FAF1: variants seen among roughly 807,000 people sequenced by gnomAD.
FAF1 encodes FAS-associated factor 1.
In FAF1, 25 loss-of-function variants were observed where a neutral mutation model predicts 92.5. The observed-to-expected ratio is 0.27, with a 90% CI of 0.20 to 0.38. FAF1 has a LOEUF of 0.38. FAF1 is among the 10% of genes least tolerant of loss of function. The probability of loss-of-function intolerance (pLI) is 1.00; values close to 1 mark genes in which losing one functional copy is unlikely to be tolerated. For synonymous variants in FAF1, 234 were observed against 273.2 expected (o/e 0.86, Z 1.42); for missense variants, 636 against 793.3 (o/e 0.80, Z 2.38).
At chr1:50,876,182 A>G (rs745350662) in intron 1 of FAF1, among the ~76,000 whole-genome samples, 1 of 152,234 alleles carries the variant, frequency 6.6e-6, no homozygotes, top group Non-Finnish European at 1.5e-5. Context: ...GCTTCTCAAG[A>G]TGAAATGGAG....
chr1:50,953,664 A>G (rs141780344), intron 1 of FAF1, among the ~76,000 whole-genome samples: 10,028 of 151,672 alleles, frequency 0.066, 412 homozygotes, highest in East Asian at 0.094. Flanking sequence ...GCTTGAACCC[A>G]GGAGGCAGAG....
chr1:50,806,761 G>A (rs1662222421), intron 2 of FAF1, among the ~76,000 whole-genome samples: 1 of 152,194 alleles, frequency 6.6e-6, no homozygotes, highest in Admixed American at 6.5e-5. Context: ...TAGGAGGGAT[G>A]AGCTTAGCCC....
chr1:50,623,188 T>A (rs1653292937), intron 8 of FAF1, among the ~76,000 whole-genome samples: 1 of 152,206 alleles, frequency 6.6e-6, no homozygotes. Context: ...TTGAGGACAC[T>A]GCTAGATTAT....
At chr1:50,935,770 C>A (rs1298558850) in intron 1 of FAF1, among the ~76,000 whole-genome samples, 3 of 152,200 alleles carry the variant, frequency 2.0e-5, no homozygotes, top group Non-Finnish European at 2.9e-5. Flanking sequence ...CTACGTCCAG[C>A]CAGATTTATT....
At chr1:50,910,169 G>C (rs1644873285) in intron 1 of FAF1, among the ~76,000 whole-genome samples, 1 of 152,194 alleles carries the variant, frequency 6.6e-6, no homozygotes, top group African/African-American at 2.4e-5. Context: ...GTTTGCCTGG[G>C]TATCAACAGC....
intron 2 of FAF1, among the ~76,000 whole-genome samples, chr1:50,837,482 CA>C (rs1644218897): frequency 6.6e-6 from 1 of 152,062 alleles, no homozygotes; most frequent in East Asian, 1.9e-4. Flanking sequence ...ATATTTTTGG[CA>C]AGAATACTAC....
At chr1:50,958,940 G>T (rs1025521507) in intron 1 of FAF1, among the ~76,000 whole-genome samples, 2 of 152,150 alleles carry the variant, frequency 1.3e-5, no homozygotes, top group Non-Finnish European at 2.9e-5. Flanking sequence ...AGCACTCACA[G>T]GATATTAGTT....
intron 15 of FAF1, among the ~76,000 whole-genome samples, chr1:50,527,743 A>G (rs1647889141): frequency 6.6e-6 from 1 of 151,220 alleles, no homozygotes; most frequent in Non-Finnish European, 1.5e-5. Flanking sequence ...TGACCACCCC[A>G]TTACCATTGT....
intron 1 of FAF1, among the ~76,000 whole-genome samples, chr1:50,877,801 A>G (rs1193542264): frequency 1.3e-5 from 2 of 152,164 alleles, no homozygotes; most frequent in African/African-American, 2.4e-5. Flanking sequence ...AGTTAATTAT[A>G]TAAATTCTTG....
At chr1:50,895,818 A>G (rs1171069267) in intron 1 of FAF1, among the ~76,000 whole-genome samples, 2 of 152,202 alleles carry the variant, frequency 1.3e-5, no homozygotes, top group African/African-American at 4.8e-5. Flanking sequence ...AGATACTGAA[A>G]AAGCATTTGA....
chr1:50,526,753 C>A (rs1055422692), intron 15 of FAF1, among the ~76,000 whole-genome samples: 3 of 152,116 alleles, frequency 2.0e-5, no homozygotes, highest in African/African-American at 7.2e-5. Flanking sequence ...TGAAGAGCTG[C>A]CAGACTGTTT....
intron 1 of FAF1, among the ~76,000 whole-genome samples, chr1:50,942,535 A>G (rs997431048): frequency 6.6e-6 from 1 of 152,136 alleles, no homozygotes; most frequent in Non-Finnish European, 1.5e-5. Flanking sequence ...TATAATTACT[A>G]TCTCTAAGAT....
At chr1:50,763,665 C>CA (rs1164459800) in intron 4 of FAF1, among the ~76,000 whole-genome samples, 3 of 152,158 alleles carry the variant, frequency 2.0e-5, no homozygotes, top group Admixed American at 1.3e-4. Flanking sequence ...GCTATGTCTT[C>CA]ATATTCACTG....
At chr1:50,604,063 T>C (rs1331538901) in intron 8 of FAF1, among the ~76,000 whole-genome samples, 1 of 152,162 alleles carries the variant, frequency 6.6e-6, no homozygotes. Context: ...CACTACCATG[T>C]AAGCAACCGG....
chr1:50,808,306 C>T (rs1662286724), intron 2 of FAF1, among the ~76,000 whole-genome samples: 2 of 152,176 alleles, frequency 1.3e-5, no homozygotes, highest in Non-Finnish European at 2.9e-5. Flanking sequence ...ATCATAAAAA[C>T]ACACTTAAGT....
At chr1:50,739,096 A>G (rs1569862386) in intron 5 of FAF1, 142 bp from the exon 6 acceptor site, 8 of 576,486 alleles carry the variant, frequency 1.4e-5, no homozygotes, top group Middle Eastern at 4.0e-4. Context: ...ATGCAAAAGA[A>G]CTACTGAATC....
chr1:50,507,694 C>A (rs978604330), intron 15 of FAF1, among the ~76,000 whole-genome samples: 2 of 152,090 alleles, frequency 1.3e-5, no homozygotes, highest in South Asian at 2.1e-4. Flanking sequence ...CTAGCCTGGG[C>A]AATAGTGTGA....
intron 2 of FAF1, among the ~76,000 whole-genome samples, chr1:50,813,052 A>T (rs1401874623): frequency 6.6e-6 from 1 of 152,190 alleles, no homozygotes; most frequent in Non-Finnish European, 1.5e-5. Flanking sequence ...AGCAACAGAC[A>T]CTGGGGCCTC....
At chr1:50,686,111 C>T (rs945437876) in intron 7 of FAF1, among the ~76,000 whole-genome samples, 23 of 152,162 alleles carry the variant, frequency 1.5e-4, no homozygotes, top group East Asian at 7.7e-4. Flanking sequence ...ATAATGTAAA[C>T]GGTACCCAAT....
Sources: gnomAD v4.1 joint callset for allele counts (sites outside exome capture counted in the v4.1 genomes callset) on GRCh38, gnomAD v4.1.1 for gene constraint, MANE v1.5 for transcripts, NCBI Gene and HGNC (gene_info 2026-07-23, HGNC 2026-07-21) for gene names.